Variants in RBFOX1 observed in about 807,000 individuals in gnomAD.
The protein encoded by RBFOX1 is RNA binding protein fox-1 homolog 1.
A neutral mutation model predicts 57.7 loss-of-function variants in RBFOX1; 8 were observed. That is an observed-to-expected ratio of 0.14 (90% CI 0.08 to 0.25). The LOEUF (loss-of-function observed/expected upper bound fraction) is 0.25. RBFOX1 is among the 10% of genes least tolerant of loss of function. The pLI, the probability that RBFOX1 is intolerant of heterozygous loss-of-function variation, is 1.00. For missense variants in RBFOX1, 611 were observed against 548.5 expected (o/e 1.11, Z -1.14); for synonymous variants, 326 against 222.4 (o/e 1.47, Z -4.15).
At chr16:7,656,196 T>G (rs1212889058) in intron 12 of RBFOX1, among the ~76,000 whole-genome samples, 1 of 152,210 alleles carries the variant, frequency 6.6e-6, no homozygotes, top group Non-Finnish European at 1.5e-5. Flanking sequence ...CAAGCATTCA[T>G]GTCTGCAATA....
At chr16:7,586,752 G>C (rs1304176313) in intron 6 of RBFOX1, among the ~76,000 whole-genome samples, 1 of 152,178 alleles carries the variant, frequency 6.6e-6, no homozygotes, top group African/African-American at 2.4e-5. Context: ...CTAGATAGTG[G>C]AGTTTGCTTC....
intron 4 of RBFOX1, among the ~76,000 whole-genome samples, chr16:7,134,017 G>C (rs370083103): frequency 1.3e-5 from 2 of 152,182 alleles, no homozygotes; most frequent in Non-Finnish European, 2.9e-5. Context: ...TTTGAAGTGT[G>C]ATACTGTGCT....
chr16:6,708,569 C>G (rs2063175686), intron 3 of RBFOX1, among the ~76,000 whole-genome samples: 1 of 152,142 alleles, frequency 6.6e-6, no homozygotes, highest in Admixed American at 6.5e-5. Context: ...ATTTAAGATG[C>G]TCTTAATTGC....
In RBFOX1 at chr16:5,615,286, C is replaced by T. The variant is rs138780320; in HGVS notation, c.318+16325C>T. ...ACTCAATTGATCCTCCTGCCTTGGC[C>T]TCCCAAAGCACTGGGATTACAGAAA... On this transcript the variant is annotated intron_variant, in intron 3 of 19. Transcript: ENST00000641259. 9.8e-3 allele frequency among the ~76,000 whole-genome samples: 1,490 copies of T among 152,254 alleles called. 30 individuals carry two copies. Among genetic ancestry groups the T allele is most frequent in the African/African-American group, 0.034 (1,419 of 41,536 alleles).
rs144420877 is a variant in RBFOX1, at chr16:6,601,067, C to T, written c.-63-53536C>T. Among the ~76,000 whole-genome samples, 1,437 of 152,274 alleles carry T rather than the reference C, an allele frequency of 9.4e-3. 29 individuals are homozygous for T. The highest frequency in any genetic ancestry group is 0.033 in the African/African-American group (1,355 of 41,560). ...AACAGTGTTTGAAAACTTTTTGTGT[C>T]AGACCAGAAATTATAGAGTAGCAAC... On this transcript the variant is annotated intron_variant, in intron 2 of 15. Transcript: ENST00000550418.
rs983486115 is a variant in RBFOX1, at chr16:5,508,289, C to G, written c.258+41035C>G. Among the ~76,000 whole-genome samples the G allele has an allele frequency of 3.9e-5, 6 of 152,122 alleles. No homozygotes were observed. In the South Asian group the frequency reaches 1.2e-3, roughly 32 times the overall value. Reference sequence around the variant, plus strand: ...GATGCAGTCCTTTGTGTCTGTAAGTCTGAGATCCACTGACATTGCTCAGGG... The same window carrying G: ...GATGCAGTCCTTTGTGTCTGTAAGTGTGAGATCCACTGACATTGCTCAGGG... On this transcript the variant is annotated intron_variant, in intron 2 of 2. Transcript: ENST00000585867.
intron 2 of RBFOX1, among the ~76,000 whole-genome samples, chr16:6,332,424 G>A (rs1468882256): frequency 6.6e-6 from 1 of 152,188 alleles, no homozygotes; most frequent in East Asian, 1.9e-4. Flanking sequence ...ACAGATATTA[G>A]AAAGGTTGGA....
At chr16:7,282,111 C>T (rs1487428908) in intron 4 of RBFOX1, among the ~76,000 whole-genome samples, 1 of 152,150 alleles carries the variant, frequency 6.6e-6, no homozygotes, top group Admixed American at 6.5e-5. Context: ...GATCCACCCA[C>T]TTCAGCCTCC....
intron 4 of RBFOX1, among the ~76,000 whole-genome samples, chr16:5,918,902 C>T (rs1166118504): frequency 6.6e-6 from 1 of 152,150 alleles, no homozygotes; most frequent in African/African-American, 2.4e-5. Flanking sequence ...TCTTTAGGTC[C>T]AGCTCCAAGG....
At chr16:7,625,579 T>A (rs537495459) in intron 10 of RBFOX1, among the ~76,000 whole-genome samples, 14 of 152,298 alleles carry the variant, frequency 9.2e-5, no homozygotes, top group Non-Finnish European at 1.6e-4. Flanking sequence ...TCCTCCAGAT[T>A]TCCTAACCCA....
intron 1 of RBFOX1, among the ~76,000 whole-genome samples, chr16:5,295,733 C>T (rs184091193): frequency 3.8e-4 from 58 of 152,290 alleles, no homozygotes; most frequent in Non-Finnish European, 4.0e-4. Context: ...ATCACTACAT[C>T]CCATCACCTC....
chr16:6,327,688 C>T (rs766355094), intron 2 of RBFOX1, among the ~76,000 whole-genome samples: 18 of 152,088 alleles, frequency 1.2e-4, no homozygotes, highest in Non-Finnish European at 2.4e-4. Flanking sequence ...TGCTCTATGA[C>T]ATGATAATGT....
chr16:6,685,958 C>A (rs2059382117), intron 3 of RBFOX1, among the ~76,000 whole-genome samples: 3 of 152,064 alleles, frequency 2.0e-5, no homozygotes, highest in African/African-American at 4.8e-5. Context: ...TAGGTTGATT[C>A]CAACGTGACA....
In RBFOX1 at chr16:6,024,970, C is replaced by T. The variant is rs545394902; in HGVS notation, c.-127+4978C>T. Among the ~76,000 whole-genome samples, 22 of 152,314 alleles carry T rather than the reference C, an allele frequency of 1.4e-4. No individual in the cohort carries two copies. The South Asian group carries it at 3.3e-3, about 23-fold the overall frequency. ...CAGAGAAGGGGACCAACAAGCACAA[C>T]GATCCAGAGGCTGGAATAGTGACAA... On this transcript the variant is annotated intron_variant, in intron 1 of 15. Transcript: ENST00000550418.
At chr16:5,787,902 G>A (rs1041562292) in intron 3 of RBFOX1, among the ~76,000 whole-genome samples, 1 of 152,208 alleles carries the variant, frequency 6.6e-6, no homozygotes, top group Admixed American at 6.5e-5. Flanking sequence ...GATGTTATGT[G>A]GCAGGTCATT....
At chr16:6,308,353 C>T (rs2079792983) in intron 1 of RBFOX1, among the ~76,000 whole-genome samples, 1 of 152,208 alleles carries the variant, frequency 6.6e-6, no homozygotes. Context: ...CTTGAGCTTG[C>T]AAGCCATGTG....
At chr16:6,884,918 A>G (rs1053028683) in intron 3 of RBFOX1, among the ~76,000 whole-genome samples, 2 of 152,182 alleles carry the variant, frequency 1.3e-5, no homozygotes. Context: ...ACAAAACAAA[A>G]AAACCCTGCA....
intron 3 of RBFOX1, among the ~76,000 whole-genome samples, chr16:5,620,391 C>T (rs2048167409): frequency 6.6e-6 from 1 of 152,172 alleles, no homozygotes; most frequent in African/African-American, 2.4e-5. Flanking sequence ...TGGCTGAGTA[C>T]TTTCTGTTCT....
At position 6,013,522 on chromosome 16, in the gene RBFOX1, C is replaced by A. The variant is rs1307258959; in HGVS notation, c.351+146187C>A. ...TAAGCCTGGCTACATGGAGATGAGT[C>A]CTAGTAAACAAAAAGACAAGCTGTA... On this transcript the variant is annotated intron_variant, in intron 4 of 19. Coordinates refer to the RBFOX1 transcript ENST00000641259. Among the ~76,000 whole-genome samples the A allele has an allele frequency of 4.6e-5, 7 of 152,082 alleles. No individual in the cohort carries two copies. In the South Asian group the frequency reaches 1.5e-3, roughly 32 times the overall value.
Sources: allele counts gnomAD v4.1 joint callset (sites outside exome capture counted in the v4.1 genomes callset), GRCh38; gene constraint gnomAD v4.1.1; transcripts MANE v1.5; gene names NCBI Gene and HGNC (gene_info 2026-07-23, HGNC 2026-07-21).